SGMS2: variants seen among roughly 807,000 people sequenced by gnomAD.
The protein encoded by SGMS2 is sphingomyelin synthase 2, also known as phosphatidylcholine:ceramide cholinephosphotransferase 2.
In SGMS2, 21 loss-of-function variants were observed where a neutral mutation model predicts 43.8. The observed-to-expected ratio is 0.48, with a 90% CI of 0.34 to 0.69. SGMS2 has a LOEUF of 0.69. SGMS2 is among the 30% of genes least tolerant of loss of function. The pLI is 0.01. For synonymous variants in SGMS2, 167 were observed against 160.6 expected, an observed-to-expected ratio of 1.04 and a Z score of -0.30; for missense variants, 384 against 443.2, an observed-to-expected ratio of 0.87 and a Z score of 1.20.
At chr4:107,869,000 C>T (rs1379491985) in intron 2 of SGMS2, among the ~76,000 whole-genome samples, 2 of 152,054 alleles carry the variant, frequency 1.3e-5, no homozygotes, top group South Asian at 2.1e-4. Context: ...TGTAATTGTG[C>T]ATGAATATAG....
chr4:107,850,983 A>G (rs1727106673), intron 1 of SGMS2, among the ~76,000 whole-genome samples: 1 of 152,048 alleles, frequency 6.6e-6, no homozygotes, highest in South Asian at 2.1e-4. Context: ...ACTCTCTTTC[A>G]TATGGACACC....
chr4:107,903,485 G>A (rs1731297363), intron 5 of SGMS2, 99 bp downstream of exon 5: 1 of 1,153,672 alleles, frequency 8.7e-7, no homozygotes, highest in African/African-American at 1.5e-5. Context: ...GGATTGATAA[G>A]CTGTGAAAGA....
At chr4:107,860,615 C>T (rs932874717) in intron 2 of SGMS2, among the ~76,000 whole-genome samples, 2 of 151,518 alleles carry the variant, frequency 1.3e-5, no homozygotes, top group Non-Finnish European at 2.9e-5. Context: ...ATCTCCACCT[C>T]CTGGGTTCAA....
chr4:107,891,643 GGTTTCT>G (rs1346122830), intron 2 of SGMS2, among the ~76,000 whole-genome samples: 1 of 152,128 alleles, frequency 6.6e-6, no homozygotes, highest in Admixed American at 6.5e-5. Context: ...GTCCCAAATG[GGTTTCT>G]GCTTCCTCAG....
At chr4:107,853,362 A>G (rs1173996800) in intron 1 of SGMS2, among the ~76,000 whole-genome samples, 2 of 152,194 alleles carry the variant, frequency 1.3e-5, no homozygotes, top group African/African-American at 2.4e-5. Context: ...ACAGTCTATA[A>G]TTAGAAAACA....
intron 1 of SGMS2, among the ~76,000 whole-genome samples, chr4:107,837,939 G>C (rs1726285925): frequency 6.6e-6 from 1 of 152,122 alleles, no homozygotes; most frequent in Admixed American, 6.6e-5. Context: ...GATTAGAGTT[G>C]CCCATTAGTC....
rs151098494 is a variant in SGMS2 at position 107,897,304 on chromosome 4, T to A, written c.455+1296T>A. On this transcript the variant is annotated intron_variant, in intron 3 of 6. Transcript: ENST00000690982. ...CCTTAATATGCTTAAGTAATAGACT[T>A]AGCTATGAGTTGTCTTTTACTTAAA... Among the ~76,000 whole-genome samples the A allele has an allele frequency of 2.0e-3, 307 of 152,344 alleles. 2 individuals are homozygous for A. Among genetic ancestry groups the A allele is most frequent in the African/African-American group, 7.0e-3 (292 of 41,590 alleles).
chr4:107,908,683 T>C lies in SGMS2; in HGVS notation c.846T>C (p.Tyr282=), dbSNP rs1383620267. Residue 282 remains tyrosine (Y), a synonymous_variant, in exon 6 of 7, where the codon TAT becomes TAC. Coordinates refer to ENST00000690982, the MANE Select transcript of SGMS2 (RefSeq NM_001375905.1). ...HYTIDVIIAY[Y]ITTRLFWWYH... Reference sequence around the variant, plus strand: ...CTATCGATGTGATCATTGCTTATTATATCACAACACGACTGTTTTGGTGGT... The same window carrying C: ...CTATCGATGTGATCATTGCTTATTACATCACAACACGACTGTTTTGGTGGT... 1.2e-6 allele frequency: 2 copies of C among 1,613,908 alleles called. No homozygotes were observed. Among genetic ancestry groups the C allele is most frequent in the African/African-American group, 2.7e-5 (2 of 74,926 alleles).
At chr4:107,888,449 G>A (rs1043915481) in intron 2 of SGMS2, among the ~76,000 whole-genome samples, 7 of 152,120 alleles carry the variant, frequency 4.6e-5, no homozygotes, top group African/African-American at 1.4e-4. Context: ...TACACAGACC[G>A]TTCATGACAT....
intron 3 of SGMS2, among the ~76,000 whole-genome samples, chr4:107,898,735 C>G (rs2131462): frequency 0.64 from 97,279 of 152,058 alleles, 34,524 homozygotes; most frequent in East Asian, 0.92. Context: ...CAGAGCCCTT[C>G]CCTTTTGAAG....
chr4:107,876,878 A>T (rs1476523016), intron 2 of SGMS2, among the ~76,000 whole-genome samples: 1 of 152,184 alleles, frequency 6.6e-6, no homozygotes, highest in Non-Finnish European at 1.5e-5. Flanking sequence ...AGAGAGTGTT[A>T]TGTGGTTTGG....
intron 1 of SGMS2, among the ~76,000 whole-genome samples, chr4:107,848,565 T>A (rs372627136): frequency 2.6e-5 from 4 of 152,202 alleles, no homozygotes; most frequent in African/African-American, 9.6e-5. Flanking sequence ...TTGCTCCACA[T>A]CCTCACCAGC....
intron 2 of SGMS2, among the ~76,000 whole-genome samples, chr4:107,870,379 A>G (rs1728475557): frequency 6.6e-6 from 1 of 152,088 alleles, no homozygotes; most frequent in African/African-American, 2.4e-5. Flanking sequence ...ACATTTATTT[A>G]CTCCGAGTAG....
intron 1 of SGMS2, among the ~76,000 whole-genome samples, chr4:107,843,384 A>G (rs35831271): frequency 2.6e-5 from 4 of 152,220 alleles, no homozygotes; most frequent in Non-Finnish European, 5.9e-5. Context: ...CCTGAATTTA[A>G]CAAATTATTA....
intron 2 of SGMS2, among the ~76,000 whole-genome samples, chr4:107,860,809 G>C (rs1239605693): frequency 1.3e-5 from 2 of 152,174 alleles, no homozygotes; most frequent in Non-Finnish European, 2.9e-5. Context: ...ACAGGCATGA[G>C]CCACTGCACC....
chr4:107,891,100 T>TTTTTTTTTCC (rs1730177531), intron 2 of SGMS2, among the ~76,000 whole-genome samples: 2 of 119,394 alleles, frequency 1.7e-5, no homozygotes, highest in African/African-American at 7.9e-5. Flanking sequence ...CTTTTTTTTC[T>TTTTTTTTTCC]TTTTTTTTCC....
rs983461887 is a variant in SGMS2 at position 107,914,882 on chromosome 4, A to C, written c.*4329A>C. 3.9e-5 allele frequency: 6 copies of C among 152,132 alleles called. No individual in the cohort carries two copies. The highest frequency in any genetic ancestry group is 1.4e-4 in the African/African-American group (6 of 41,446). 9.4% of individuals were successfully genotyped at this position (152,132 alleles called of 1,614,324 possible). A position where few individuals can be genotyped will look rare whatever the true frequency, so the allele number is the denominator to read the frequency against. On this transcript the variant is annotated 3_prime_UTR_variant, in exon 7 of 7. Transcript: ENST00000690982. ...TTCTATAATGTTGTCTTACATTTAC[A>C]TTTTTAAGTGCCTAATTGTTAAAAC...
At chr4:107,844,899 C>T (rs551997231) in intron 1 of SGMS2, among the ~76,000 whole-genome samples, 74 of 152,140 alleles carry the variant, frequency 4.9e-4, no homozygotes, top group Non-Finnish European at 2.6e-4. Flanking sequence ...TTTGATCTGT[C>T]TTAGTTCCTA....
Position 107,905,802 on chromosome 4 carries a change from A to G in SGMS2, c.727+2416A>G, listed in dbSNP as rs544151861. 3.9e-5 allele frequency among the ~76,000 whole-genome samples: 6 copies of G among 152,318 alleles called. No individual in the cohort carries two copies. The South Asian group carries it at 1.2e-3, about 32-fold the overall frequency. ...ATTGCTCATTATTGTACATTCTTTC[A>G]TCTCAGAGCAACAGCAAGGCAACTT... On this transcript the variant is annotated intron_variant, in intron 5 of 6. Transcript: ENST00000690982.
Sources: gnomAD v4.1 joint callset for allele counts (sites outside exome capture counted in the v4.1 genomes callset) on GRCh38, gnomAD v4.1.1 for gene constraint, MANE v1.5 for transcripts, NCBI Gene and HGNC (gene_info 2026-07-23, HGNC 2026-07-21) for gene names.